The following MAF variants were observed in gnomAD, a reference collection of about 807,000 sequenced individuals.
MAF encodes MAF bZIP transcription factor, also known as transcription factor Maf.
A neutral mutation model predicts 22.0 loss-of-function variants in MAF; 10 were observed. The ratio of observed to expected loss-of-function variants is 0.45; its 90% confidence interval spans 0.28 to 0.77. MAF has a LOEUF of 0.77. Ranked by LOEUF, MAF falls within the 30% of genes least tolerant of loss-of-function variation. The pLI is 0.12. For missense variants in MAF, 544 were observed against 548.4 expected (o/e 0.99, Z 0.08); for synonymous variants, 337 against 255.8 (o/e 1.32, Z -3.03).
At chr16:79,290,930 A>G in the MAF span, among the ~76,000 whole-genome samples, 1 of 152,162 alleles carries the variant, frequency 6.6e-6, no homozygotes, top group East Asian at 1.9e-4. Context: ...TAGGGTCTGG[A>G]AATTCCAATT....
the MAF span, among the ~76,000 whole-genome samples, chr16:79,269,788 A>T: frequency 1.1e-4 from 16 of 152,258 alleles, no homozygotes; most frequent in African/African-American, 3.9e-4. Flanking sequence ...CCAGAAAAGG[A>T]AGCAAAGGAA....
the MAF span, among the ~76,000 whole-genome samples, chr16:79,420,615 G>C: frequency 6.6e-6 from 1 of 152,126 alleles, no homozygotes; most frequent in African/African-American, 2.4e-5. Flanking sequence ...TTACCGCCCA[G>C]AGTTTCATCA....
At chr16:79,312,429 A>AT in the MAF span, among the ~76,000 whole-genome samples, 55 of 152,322 alleles carry the variant, frequency 3.6e-4, no homozygotes, top group African/African-American at 1.2e-3. Context: ...GCTGACCTCC[A>AT]TACATGCATT....
chr16:79,219,213 T>C, the MAF span, among the ~76,000 whole-genome samples: 1 of 152,228 alleles, frequency 6.6e-6, no homozygotes, highest in African/African-American at 2.4e-5. Flanking sequence ...CCGGCTTTCC[T>C]GATTTTATCT....
the MAF span, among the ~76,000 whole-genome samples, chr16:79,293,603 C>T: frequency 3.3e-5 from 5 of 152,112 alleles, no homozygotes; most frequent in African/African-American, 1.2e-4. Context: ...GGTCAGACCC[C>T]ACGACTTATG....
At chr16:79,317,882 A>G in the MAF span, among the ~76,000 whole-genome samples, 1 of 151,578 alleles carries the variant, frequency 6.6e-6, no homozygotes, top group Non-Finnish European at 1.5e-5. Context: ...AGTATTTACT[A>G]TCTGTGGGGT....
chr16:79,456,474 T>C, the MAF span, among the ~76,000 whole-genome samples: 3 of 152,180 alleles, frequency 2.0e-5, no homozygotes, highest in Non-Finnish European at 4.4e-5. Context: ...GGGGTCCACA[T>C]AATCCAGTGG....
the MAF span, chr16:79,206,729 C>G: frequency 1.3e-5 from 2 of 152,056 alleles, no homozygotes; most frequent in African/African-American, 4.8e-5. Flanking sequence ...AGCACTTATT[C>G]CAAATTGAAT....
At chr16:79,362,748 T>C in the MAF span, among the ~76,000 whole-genome samples, 1 of 152,200 alleles carries the variant, frequency 6.6e-6, no homozygotes, top group Non-Finnish European at 1.5e-5. Flanking sequence ...AAACTCCAAG[T>C]TGCAGATGAA....
chr16:79,488,036 TG>T, the MAF span, among the ~76,000 whole-genome samples: 1 of 152,200 alleles, frequency 6.6e-6, no homozygotes, highest in African/African-American at 2.4e-5. Context: ...AAGAACTATT[TG>T]CATCAAGCAT....
chr16:79,242,701 G>C, the MAF span, among the ~76,000 whole-genome samples: 2 of 151,760 alleles, frequency 1.3e-5, no homozygotes, highest in Non-Finnish European at 2.9e-5. Flanking sequence ...GGACCAAGCA[G>C]ATCTAATAGA....
At chr16:79,580,241 G>A in the MAF span, among the ~76,000 whole-genome samples, 1 of 152,224 alleles carries the variant, frequency 6.6e-6, no homozygotes, top group African/African-American at 2.4e-5. Context: ...TGCAGGGATG[G>A]TTTGTAGCAC....
At chr16:79,384,311 G>C in the MAF span, among the ~76,000 whole-genome samples, 1 of 152,056 alleles carries the variant, frequency 6.6e-6, no homozygotes, top group Admixed American at 6.6e-5. Flanking sequence ...TAGGTGTGGT[G>C]GTGGACACCT....
the MAF span, among the ~76,000 whole-genome samples, chr16:79,282,527 C>G: frequency 6.6e-6 from 1 of 152,144 alleles, no homozygotes; most frequent in African/African-American, 2.4e-5. Context: ...AGAAGTCCTG[C>G]AACTTGGAGT....
At chr16:79,305,426 T>C in the MAF span, among the ~76,000 whole-genome samples, 1 of 152,182 alleles carries the variant, frequency 6.6e-6, no homozygotes, top group South Asian at 2.1e-4. Flanking sequence ...AAGTGCTGGA[T>C]GCTTTTCCTC....
the MAF span, among the ~76,000 whole-genome samples, chr16:79,430,727 T>C: frequency 5.3e-5 from 8 of 152,326 alleles, no homozygotes; most frequent in African/African-American, 1.9e-4. Context: ...TTTGTGCTTC[T>C]ACTTCAATAC....
the MAF span, among the ~76,000 whole-genome samples, chr16:79,559,304 C>T: frequency 6.6e-6 from 1 of 152,136 alleles, no homozygotes; most frequent in African/African-American, 2.4e-5. Flanking sequence ...TTGAATCAGC[C>T]CGATCACCCA....
chr16:79,285,200 A>C, the MAF span, among the ~76,000 whole-genome samples: 1 of 152,136 alleles, frequency 6.6e-6, no homozygotes, highest in Non-Finnish European at 1.5e-5. Flanking sequence ...GCTTTTAAAG[A>C]AATATTGCCT....
the MAF span, among the ~76,000 whole-genome samples, chr16:79,425,744 A>G: frequency 1.3e-5 from 2 of 148,558 alleles, no homozygotes; most frequent in African/African-American, 2.5e-5. Context: ...CTACATTCCT[A>G]TCTAATTCAG....
Sources: gnomAD v4.1 joint callset for allele counts (sites outside exome capture counted in the v4.1 genomes callset) on GRCh38, gnomAD v4.1.1 for gene constraint, MANE v1.5 for transcripts, NCBI Gene and HGNC (gene_info 2026-07-23, HGNC 2026-07-21) for gene names.